The following TNKS variants were observed in gnomAD, a reference collection of about 807,000 sequenced individuals.
TNKS encodes poly [ADP-ribose] polymerase tankyrase-1.
In TNKS, 72 loss-of-function variants were observed where a neutral mutation model predicts 135.8. The ratio of observed to expected loss-of-function variants is 0.53; its 90% confidence interval spans 0.44 to 0.64. TNKS has a LOEUF of 0.64. TNKS is among the 30% of genes least tolerant of loss of function. TNKS has a pLI of 0.00. For missense variants in TNKS, 1,769 were observed against 1,674.0 expected, an observed-to-expected ratio of 1.06 and a Z score of -0.99; for synonymous variants, 849 against 649.3, an observed-to-expected ratio of 1.31 and a Z score of -4.68.
At chr8:9,741,014 T>C (rs914770943) in intron 17 of TNKS, 4 of 152,044 alleles carry the variant, frequency 2.6e-5, no homozygotes, top group Admixed American at 1.3e-4. Context: ...GGTTTCACCG[T>C]GTCAGCCGAG....
At chr8:9,757,071 G>C (rs189258535) in intron 20 of TNKS, among the ~76,000 whole-genome samples, 1 of 152,272 alleles carries the variant, frequency 6.6e-6, no homozygotes, top group Admixed American at 6.5e-5. Context: ...CCGCCTCCCA[G>C]GTTCACACGA....
intron 17 of TNKS, 46 bp from the exon 18 acceptor site, chr8:9,747,978 A>G (rs755538649): frequency 1.3e-6 from 2 of 1,539,100 alleles, no homozygotes; most frequent in Non-Finnish European, 1.8e-6. Flanking sequence ...GTGCTTTACC[A>G]GATGATCTCA....
intron 1 of TNKS, among the ~76,000 whole-genome samples, chr8:9,567,104 G>T (rs914310995): frequency 5.9e-5 from 9 of 152,034 alleles, no homozygotes; most frequent in Non-Finnish European, 1.2e-4. Flanking sequence ...TTCTCAAGTT[G>T]GTTTTCTGGT....
intron 1 of TNKS, among the ~76,000 whole-genome samples, chr8:9,572,702 T>A (rs1258519213): frequency 2.0e-5 from 3 of 152,206 alleles, no homozygotes; most frequent in Non-Finnish European, 1.5e-5. Flanking sequence ...TATACCCCTC[T>A]ATAATTTTGA....
intron 2 of TNKS, among the ~76,000 whole-genome samples, chr8:9,604,147 C>G (rs1799129780): frequency 6.6e-6 from 1 of 152,072 alleles, no homozygotes; most frequent in African/African-American, 2.4e-5. Context: ...TTGCAGGATA[C>G]TATATATGCA....
At chr8:9,625,659 A>C (rs1176942669) in intron 3 of TNKS, among the ~76,000 whole-genome samples, 1 of 151,986 alleles carries the variant, frequency 6.6e-6, no homozygotes, top group African/African-American at 2.4e-5. Flanking sequence ...CAGACTATTT[A>C]GAGTATGGTT....
intron 20 of TNKS, among the ~76,000 whole-genome samples, chr8:9,752,904 G>T (rs1806622668): frequency 6.6e-6 from 1 of 151,148 alleles, no homozygotes; most frequent in South Asian, 2.1e-4. Context: ...GTTTGAAACT[G>T]CAGTGAGCTG....
intron 5 of TNKS, among the ~76,000 whole-genome samples, chr8:9,696,298 A>G (rs1038297309): frequency 1.3e-5 from 2 of 152,190 alleles, no homozygotes; most frequent in African/African-American, 4.8e-5. Context: ...GAGGAAAATA[A>G]GGAGTGTGGT....
At chr8:9,647,698 G>T (rs955628680) in intron 3 of TNKS, among the ~76,000 whole-genome samples, 12 of 152,154 alleles carry the variant, frequency 7.9e-5, no homozygotes, top group Admixed American at 6.5e-5. Flanking sequence ...GCCCCTTGAA[G>T]TCAGGGGCCA....
At chr8:9,566,841 C>G (rs1251078621) in intron 1 of TNKS, among the ~76,000 whole-genome samples, 2 of 151,764 alleles carry the variant, frequency 1.3e-5, no homozygotes, top group African/African-American at 4.8e-5. Flanking sequence ...ATCTCCTGCC[C>G]TCATGATCCA....
At chr8:9,739,118 A>G (rs1261172718) in intron 17 of TNKS, among the ~76,000 whole-genome samples, 14 of 140,364 alleles carry the variant, frequency 1.0e-4, no homozygotes, top group Admixed American at 2.9e-4. Flanking sequence ...TGAACAGGCA[A>G]CCTACAACAT....
rs945470300 is a variant in TNKS at position 9,673,736 on chromosome 8, C to T, written c.995-6215C>T. ...GGGATTACAGGTGTGAGCCACCGCACCCGGCCTGGAATTTTTTTTCACAGC... is the reference window on the plus strand; with the variant it reads ...GGGATTACAGGTGTGAGCCACCGCATCCGGCCTGGAATTTTTTTTCACAGC... On this transcript the variant is annotated intron_variant, in intron 3 of 26. Coordinates refer to ENST00000310430, the MANE Select transcript of TNKS (RefSeq NM_003747.3). 1.3e-5 allele frequency among the ~76,000 whole-genome samples: 2 copies of T among 152,126 alleles called. 1 individual carries two copies. The highest frequency in any genetic ancestry group is 4.1e-4 in the South Asian group (2 of 4,830).
intron 1 of TNKS, among the ~76,000 whole-genome samples, chr8:9,567,585 T>C (rs1056927525): frequency 2.6e-5 from 4 of 151,828 alleles, no homozygotes; most frequent in Non-Finnish European, 5.9e-5. Flanking sequence ...CCGGCTAATT[T>C]TTTTTGTATT....
rs1805179121 is a variant in TNKS at position 9,726,662 on chromosome 8, C to T, written c.1943C>T (p.Ser648Phe). The change falls in exon 13 of 27, where the codon TCT (serine) becomes TTT (phenylalanine). Residue 648 changes from serine to phenylalanine, a missense_variant. Coordinates refer to ENST00000310430, the MANE Select transcript of TNKS (RefSeq NM_003747.3). Reference sequence around the variant, plus strand: ...GCAGAGAGTACACCTATACGTACTTCTGATGTTGATTATCGACTCTTAGAG... The same window carrying T: ...GCAGAGAGTACACCTATACGTACTTTTGATGTTGATTATCGACTCTTAGAG... Reference protein sequence around the residue: ...ILSESTPIRTSDVDYRLLEAS... With the variant: ...ILSESTPIRTFDVDYRLLEAS... The T allele has an allele frequency of 1.2e-6, 2 of 1,613,140 alleles. No individual in the cohort carries two copies.
chr8:9,585,131 C>G (rs1466633575), intron 2 of TNKS, among the ~76,000 whole-genome samples: 1 of 151,282 alleles, frequency 6.6e-6, no homozygotes, highest in African/African-American at 2.4e-5. Flanking sequence ...GGGGCCAAAA[C>G]TCAAAACCGA....
intron 5 of TNKS, 46 bp from the exon 6 acceptor site, chr8:9,704,617 T>G: frequency 6.8e-7 from 1 of 1,472,848 alleles, no homozygotes; most frequent in Non-Finnish European, 9.4e-7. Context: ...AGGATTTTCT[T>G]TGTTTGTTTG....
rs186313564 is a variant in TNKS, at chr8:9,731,190, T to G, written c.2147+155T>G. Among the ~76,000 whole-genome samples, 581 of 152,350 alleles carry G rather than the reference T, an allele frequency of 3.8e-3. 5 individuals carry two copies. Among genetic ancestry groups the G allele is most frequent in the African/African-American group, 0.013 (540 of 41,586 alleles). On this transcript the variant is annotated intron_variant, in intron 14 of 26. Transcript: ENST00000310430. ...AAACATAGAAATGTGCCAGGCATGG[T>G]GGCTCACGCCTGTAATCCCAGCACT...
chr8:9,755,298 C>T (rs1398728413), intron 20 of TNKS, among the ~76,000 whole-genome samples: 1 of 152,096 alleles, frequency 6.6e-6, no homozygotes, highest in Non-Finnish European at 1.5e-5. Context: ...TCATCAGTTT[C>T]ATTGTTCTTT....
chr8:9,615,443 C>T (rs997655635), intron 2 of TNKS, 139 bp from the exon 3 acceptor site: 1 of 623,712 alleles, frequency 1.6e-6, no homozygotes, highest in Non-Finnish European at 2.5e-6. Context: ...TGCTTTTTTG[C>T]TTTTTTTCTT....
Sources: gnomAD v4.1 joint callset for allele counts (sites outside exome capture counted in the v4.1 genomes callset) on GRCh38, gnomAD v4.1.1 for gene constraint, MANE v1.5 for transcripts, NCBI Gene and HGNC (gene_info 2026-07-23, HGNC 2026-07-21) for gene names.